SLC38A9: variants seen among roughly 807,000 people sequenced by gnomAD.
SLC38A9 encodes the protein solute carrier family 38 member 9, also known as neutral amino acid transporter 9.
In SLC38A9, 48 loss-of-function variants were observed where a neutral mutation model predicts 62.3. The ratio of observed to expected loss-of-function variants is 0.77; its 90% CI spans 0.61 to 0.98. The LOEUF is 0.98. Among genes scored for constraint, SLC38A9 ranks in the 50% least tolerant of loss-of-function variants. The pLI is 0.00. For synonymous variants in SLC38A9, 204 were observed against 227.7 expected (o/e 0.90, Z 0.94); for missense variants, 541 against 679.8 (o/e 0.80, Z 2.27).
chr5:55,704,459 A>G (rs1195906107), intron 2 of SLC38A9: 1 of 152,218 alleles, frequency 6.6e-6, no homozygotes, highest in African/African-American at 2.4e-5. Context: ...AATTTTAAAA[A>G]CCTATAAGTT....
At chr5:55,687,625 T>G (rs932576765) in intron 3 of SLC38A9, among the ~76,000 whole-genome samples, 8 of 152,136 alleles carry the variant, frequency 5.3e-5, no homozygotes, top group African/African-American at 1.9e-4. Context: ...AGCAGCAGTT[T>G]GTAGTTCTCC....
intron 3 of SLC38A9, among the ~76,000 whole-genome samples, chr5:55,684,380 G>C (rs1313835869): frequency 1.3e-5 from 2 of 152,184 alleles, no homozygotes; most frequent in Non-Finnish European, 1.5e-5. Context: ...TTTAGAAAGA[G>C]TTTATATTGG....
At chr5:55,652,081 G>C (rs1209567701) in intron 10 of SLC38A9, among the ~76,000 whole-genome samples, 4 of 151,066 alleles carry the variant, frequency 2.6e-5, no homozygotes, top group African/African-American at 9.7e-5. Flanking sequence ...ACAAATTGCC[G>C]GGCGTGCTGG....
Position 55,626,385 on chromosome 5 carries a change from G to T in SLC38A9, c.*109C>A. The T allele has an allele frequency of 3.0e-6, 3 of 1,005,456 alleles. No individual in the cohort carries two copies. The highest frequency in any genetic ancestry group is 4.3e-6 in the Non-Finnish European group (3 of 694,938). 62.3% of individuals were successfully genotyped at this position (1,005,456 alleles called of 1,614,324 possible). A position where few individuals can be genotyped will look rare whatever the true frequency, so the allele number is the denominator to read the frequency against. The stretch of plus-strand genomic sequence containing the variant: ...TTTCCCTTGCTTTCAAATTATCTTA[G>T]AAAATATTTAGAATTACACAACAGC... On this transcript the variant is annotated 3_prime_UTR_variant, in exon 16 of 16. Transcript: ENST00000396865.
At chr5:55,672,973 A>G (rs1751558560) in intron 3 of SLC38A9, among the ~76,000 whole-genome samples, 1 of 152,216 alleles carries the variant, frequency 6.6e-6, no homozygotes, top group African/African-American at 2.4e-5. Context: ...AGAACTTAAA[A>G]CAGTTATTAA....
At chr5:55,672,434 G>T in intron 4 of SLC38A9, 129 bp downstream of exon 4, 1 of 1,007,182 alleles carries the variant, frequency 9.9e-7, no homozygotes, top group Non-Finnish European at 1.5e-6. Flanking sequence ...TACTATCTTT[G>T]ACTTTGCATG....
chr5:55,640,831 G>C (rs1031731208), intron 12 of SLC38A9, among the ~76,000 whole-genome samples: 1 of 152,104 alleles, frequency 6.6e-6, no homozygotes, highest in African/African-American at 2.4e-5. Context: ...TGAAGAAAAA[G>C]TAAAATATGT....
intron 11 of SLC38A9, among the ~76,000 whole-genome samples, chr5:55,646,388 C>T (rs1427774377): frequency 1.3e-5 from 2 of 152,134 alleles, no homozygotes; most frequent in East Asian, 3.9e-4. Context: ...AAAGTATACT[C>T]TGTGCAGGTG....
At chr5:55,658,171 TTTTAA>T (rs1748798728) in intron 8 of SLC38A9, 1 of 151,874 alleles carries the variant, frequency 6.6e-6, no homozygotes, top group African/African-American at 2.4e-5. Flanking sequence ...TTTTATTTTA[TTTTAA>T]TTTTTTTGAG....
At chr5:55,683,853 T>G (rs371076493) in intron 3 of SLC38A9, among the ~76,000 whole-genome samples, 24 of 152,338 alleles carry the variant, frequency 1.6e-4, no homozygotes, top group African/African-American at 5.8e-4. Flanking sequence ...ATTTATATTC[T>G]CTTACATGTC....
chr5:55,700,254 T>C (rs1275581664), intron 2 of SLC38A9, among the ~76,000 whole-genome samples: 1 of 150,682 alleles, frequency 6.6e-6, no homozygotes, highest in African/African-American at 2.4e-5. Flanking sequence ...GGTGGGAAAA[T>C]CACTTGAACC....
chr5:55,630,596 G>GT (rs779394878), intron 14 of SLC38A9, among the ~76,000 whole-genome samples: 7 of 152,138 alleles, frequency 4.6e-5, no homozygotes, highest in Non-Finnish European at 8.8e-5. Flanking sequence ...GATTACAGGT[G>GT]TGAGCCACCA....
At chr5:55,709,983 C>A (rs1280691528) in intron 2 of SLC38A9, among the ~76,000 whole-genome samples, 2 of 145,678 alleles carry the variant, frequency 1.4e-5, no homozygotes, top group African/African-American at 2.5e-5. Context: ...GCAGGGGAAT[C>A]GCTTGAACCC....
chr5:55,710,536 T>C (rs1296708096), intron 2 of SLC38A9, among the ~76,000 whole-genome samples: 1 of 152,172 alleles, frequency 6.6e-6, no homozygotes, highest in East Asian at 1.9e-4. Context: ...ACGAAGTTTG[T>C]AGTTGTTTAT....
intron 11 of SLC38A9, among the ~76,000 whole-genome samples, chr5:55,648,803 T>C (rs1381491842): frequency 6.6e-6 from 1 of 152,222 alleles, no homozygotes; most frequent in Non-Finnish European, 1.5e-5. Flanking sequence ...TTACCCTGAT[T>C]TGAGCACTAC....
chr5:55,707,223 A>G lies in SLC38A9; in HGVS notation c.-35+4229T>C, dbSNP rs79197552. On this transcript the variant is annotated intron_variant, in intron 2 of 15. Coordinates refer to ENST00000396865, the MANE Select transcript of SLC38A9 (RefSeq NM_173514.4). ...TTTTTTGAATGTCTTGATGAGAAGT[A>G]TAAAATATCCCGAAGTTTGATGACT... 5.7e-3 allele frequency among the ~76,000 whole-genome samples: 867 copies of G among 152,296 alleles called. 10 individuals are homozygous for G. The highest frequency in any genetic ancestry group is 0.02 in the African/African-American group (842 of 41,552).
chr5:55,688,268 G>A (rs775351343), intron 3 of SLC38A9, among the ~76,000 whole-genome samples: 6 of 151,870 alleles, frequency 4.0e-5, no homozygotes, highest in Non-Finnish European at 8.8e-5. Flanking sequence ...TTGCCTGATT[G>A]CTCTGGCCAG....
At chr5:55,669,145 T>C in intron 7 of SLC38A9, 83 bp downstream of exon 7, 2 of 848,306 alleles carry the variant, frequency 2.4e-6, no homozygotes, top group Non-Finnish European at 3.7e-6. Context: ...GACACACATG[T>C]AGCATATACA....
chr5:55,665,085 T>G, intron 7 of SLC38A9: 1 of 249,828 alleles, frequency 4.0e-6, no homozygotes, highest in Non-Finnish European at 7.5e-6. Context: ...GATTATAGTA[T>G]CATAACATTT....
Sources: allele counts gnomAD v4.1 joint callset (sites outside exome capture counted in the v4.1 genomes callset), GRCh38; gene constraint gnomAD v4.1.1; transcripts MANE v1.5; gene names NCBI Gene and HGNC (gene_info 2026-07-23, HGNC 2026-07-21).